The following GTF2A2 variants were observed in gnomAD, a reference collection of about 807,000 sequenced individuals.
The protein encoded by GTF2A2 is transcription initiation factor IIA subunit 2.
In GTF2A2, 9 loss-of-function variants were observed where a neutral mutation model predicts 14.3. The ratio of observed to expected loss-of-function variants is 0.63; its 90% CI spans 0.38 to 1.10. GTF2A2 has a LOEUF of 1.10. GTF2A2 is among the 50% of genes least tolerant of loss of function. The pLI, the probability that GTF2A2 is intolerant of heterozygous loss-of-function variation, is 0.01. For missense variants in GTF2A2, 90 were observed against 124.6 expected (o/e 0.72, Z 1.32); for synonymous variants, 56 against 46.0 (o/e 1.22, Z -0.88).
At position 59,638,560 on chromosome 15, in the gene GTF2A2, G is replaced by C. The variant is rs1000331502; in HGVS notation, c.*572C>G. 4 of 152,224 alleles carry C rather than the reference G, an allele frequency of 2.6e-5. No individual in the cohort carries two copies. In the East Asian group the frequency reaches 7.7e-4, roughly 29 times the overall value. 9.4% of individuals were successfully genotyped at this position (152,224 alleles called of 1,614,324 possible). On this transcript the variant is annotated 3_prime_UTR_variant, in exon 5 of 5. Transcript: ENST00000396060. ...CATGTTACCTGGTCTAAGAAGGAAA[G>C]TTTTTTGGTTTTGTTTTTGCTATGA...
At chr15:59,646,388 T>A (rs1378627411) in intron 3 of GTF2A2, among the ~76,000 whole-genome samples, 1 of 152,198 alleles carries the variant, frequency 6.6e-6, no homozygotes, top group African/African-American at 2.4e-5. Context: ...TGTAGTCTTT[T>A]ATCCCTCGCC....
chr15:59,650,851 A>G (rs1891769437), intron 2 of GTF2A2, 78 bp from the exon 3 acceptor site: 1 of 788,770 alleles, frequency 1.3e-6, no homozygotes, highest in Non-Finnish European at 2.1e-6. Flanking sequence ...ACAAATTATC[A>G]TCTAAAATTT....
intron 3 of GTF2A2, among the ~76,000 whole-genome samples, chr15:59,644,779 T>C (rs2141959588): frequency 6.6e-6 from 1 of 152,306 alleles, no homozygotes; most frequent in East Asian, 1.9e-4. Context: ...GGGTGGTTGA[T>C]TCCAGAAAAC....
At chr15:59,654,935 G>A in intron 1 of GTF2A2, among the ~76,000 whole-genome samples, 1 of 152,202 alleles carries the variant, frequency 6.6e-6, no homozygotes, top group Non-Finnish European at 1.5e-5. Flanking sequence ...TCAGTGTCAT[G>A]TTGGTGCTCA....
chr15:59,643,664 C>T (rs1251111359), intron 3 of GTF2A2, among the ~76,000 whole-genome samples: 1 of 139,314 alleles, frequency 7.2e-6, no homozygotes, highest in Admixed American at 7.8e-5. Context: ...GGGGTGTAAT[C>T]TCAGCTCACT....
At chr15:59,640,071 A>T (rs1199447092) in intron 4 of GTF2A2, 2 of 152,228 alleles carry the variant, frequency 1.3e-5, no homozygotes, top group African/African-American at 4.8e-5. Context: ...AACTTCTAAC[A>T]CTGCATTCTT....
In GTF2A2 at chr15:59,638,214, T is replaced by C. The variant is rs1186997528; in HGVS notation, c.*918A>G. On this transcript the variant is annotated 3_prime_UTR_variant, in exon 5 of 5. Coordinates refer to ENST00000396060, the MANE Select transcript of GTF2A2 (RefSeq NM_004492.3). ...TGAGCCACCAGTACCTAGCCAAAGT[T>C]AGTTTTAATGTGAGAGTCAAGGACT... is the stretch of plus-strand genomic sequence containing the variant. The C allele has an allele frequency of 6.6e-6, 1 of 152,156 alleles. No homozygotes were observed. Among genetic ancestry groups the C allele is most frequent in the Non-Finnish European group, 1.5e-5 (1 of 68,034 alleles). 9.4% of individuals were successfully genotyped at this position (152,156 alleles called of 1,614,324 possible).
At chr15:59,650,532 T>C (rs1269264831) in intron 3 of GTF2A2, 137 bp downstream of exon 3, 2 of 545,760 alleles carry the variant, frequency 3.7e-6, no homozygotes, top group Non-Finnish European at 6.6e-6. Context: ...ATAATTTAGT[T>C]ACTATAAAAC....
rs1432118790 is a variant in GTF2A2, at chr15:59,638,326, T to C, written c.*806A>G. 6.6e-6 allele frequency: 1 copy of C among 152,186 alleles called. No individual in the cohort carries two copies. The highest frequency in any genetic ancestry group is 1.9e-4 in the East Asian group (1 of 5,198). 9.4% of individuals were successfully genotyped at this position (152,186 alleles called of 1,614,324 possible). ...CCAATTGGGTCAATCCAGTTAACCA[T>C]GTAAGAAACTCCTCACCTAGGGTCA... On this transcript the variant is annotated 3_prime_UTR_variant, in exon 5 of 5. Coordinates refer to ENST00000396060, the MANE Select transcript of GTF2A2 (RefSeq NM_004492.3).
At chr15:59,640,522 A>AAAAC (rs1297737503) in intron 4 of GTF2A2, among the ~76,000 whole-genome samples, 1 of 152,222 alleles carries the variant, frequency 6.6e-6, no homozygotes, top group African/African-American at 2.4e-5. Context: ...TAATAAAATT[A>AAAAC]AAACATTGAG....
chr15:59,647,722 G>A (rs536212603), intron 3 of GTF2A2, among the ~76,000 whole-genome samples: 1 of 151,976 alleles, frequency 6.6e-6, no homozygotes, highest in Non-Finnish European at 1.5e-5. Flanking sequence ...GGGACTACAG[G>A]CATGCACCAC....
rs1475842376 is a variant in GTF2A2 at position 59,642,212 on chromosome 15, C to G, written c.228G>C (p.Leu76=). 6.2e-7 allele frequency: 1 copy of G among 1,610,868 alleles called. No individual in the cohort carries two copies. The highest frequency in any genetic ancestry group is 2.2e-5 in the East Asian group (1 of 44,680). ...TCACCTCTCTGAATTCAACATCATT[C>G]AGTACAAAAGTCCACACATTATCGC... is the stretch of plus-strand genomic sequence containing the variant. The part of the protein sequence containing the change: ...RFCDNVWTFV[L]NDVEFREVTE... The change falls in exon 4 of 5, where the codon CTG becomes CTC. Residue 76 remains leucine, a synonymous_variant. Coordinates refer to ENST00000396060, the MANE Select transcript of GTF2A2 (RefSeq NM_004492.3).
Position 59,639,161 on chromosome 15 carries a change from G to A in GTF2A2, c.305-4C>T, listed in dbSNP as rs776349974. The A allele has an allele frequency of 2.1e-6, 3 of 1,444,306 alleles. No homozygotes were observed. The highest frequency in any genetic ancestry group is 2.9e-6 in the Non-Finnish European group (3 of 1,029,440). 89.5% of individuals were successfully genotyped at this position (1,444,306 alleles called of 1,614,324 possible). ...TCTGTAGTATTGGAGCCAGTATCTA[G>A]GAAACAAAAGAGAAAGTAAAGTAAA... On this transcript the variant is annotated splice_region_variant and splice_polypyrimidine_tract_variant and intron_variant, in intron 4 of 4. Coordinates refer to ENST00000396060, the MANE Select transcript of GTF2A2 (RefSeq NM_004492.3).
chr15:59,648,027 A>T (rs141474773), intron 3 of GTF2A2, among the ~76,000 whole-genome samples: 86 of 152,278 alleles, frequency 5.6e-4, no homozygotes, highest in African/African-American at 1.9e-3. Flanking sequence ...ACGCTTGTTA[A>T]TTACTGTTCG....
intron 3 of GTF2A2, among the ~76,000 whole-genome samples, chr15:59,643,519 CATTCTT>C (rs1891502531): frequency 6.7e-6 from 1 of 149,622 alleles, no homozygotes; most frequent in Non-Finnish European, 1.5e-5. Flanking sequence ...GCCCAGGACA[CATTCTT>C]ATAATTAAGA....
At chr15:59,653,336 G>A (rs1405875924) in intron 1 of GTF2A2, among the ~76,000 whole-genome samples, 2 of 152,094 alleles carry the variant, frequency 1.3e-5, no homozygotes, top group Non-Finnish European at 2.9e-5. Flanking sequence ...ATGGATGGGG[G>A]AAAATACATT....
intron 1 of GTF2A2, among the ~76,000 whole-genome samples, chr15:59,656,133 T>A (rs1429869509): frequency 6.6e-6 from 1 of 152,194 alleles, no homozygotes; most frequent in East Asian, 1.9e-4. Context: ...CCGGCTACCA[T>A]GATCTCTTTG....
intron 3 of GTF2A2, 100 bp from the exon 4 acceptor site, chr15:59,642,362 G>C (rs1195977747): frequency 1.1e-5 from 11 of 977,634 alleles, no homozygotes; most frequent in Non-Finnish European, 1.6e-5. Flanking sequence ...AACATAATAA[G>C]TTTAATGCTT....
Position 59,648,346 on chromosome 15 carries a change from T to C in GTF2A2, c.177+2323A>G, listed in dbSNP as rs1466868819. On this transcript the variant is annotated intron_variant, in intron 3 of 4. Coordinates refer to ENST00000396060, the MANE Select transcript of GTF2A2 (RefSeq NM_004492.3). ...TCGCTTGAACCCAGGAGGCAGAGGTTGCAGTGAGCCGAGATTGCGCCACTG... is the reference window on the plus strand; with the variant it reads ...TCGCTTGAACCCAGGAGGCAGAGGTCGCAGTGAGCCGAGATTGCGCCACTG... 2.2e-5 allele frequency among the ~76,000 whole-genome samples: 3 copies of C among 138,760 alleles called. No individual in the cohort carries two copies. The Admixed American group carries it at 2.4e-4, about 11-fold the overall frequency. The allele number at this position is 138,760 out of a possible 152,430, so 91.0% of individuals were successfully genotyped here.
Sources: allele counts gnomAD v4.1 joint callset (sites outside exome capture counted in the v4.1 genomes callset), GRCh38; gene constraint gnomAD v4.1.1; transcripts MANE v1.5; gene names NCBI Gene and HGNC (gene_info 2026-07-23, HGNC 2026-07-21).